The following NKAIN2 variants were observed in gnomAD, a reference collection of about 807,000 sequenced individuals.
NKAIN2 encodes the protein sodium/potassium-transporting ATPase subunit beta-1-interacting protein 2.
Under a neutral mutation model 32.6 loss-of-function variants are expected in NKAIN2, and 14 were observed. The ratio of observed to expected loss-of-function variants is 0.43; its 90% CI spans 0.28 to 0.67. The LOEUF (loss-of-function observed/expected upper bound fraction) is 0.67. NKAIN2 is among the 30% of genes least tolerant of loss of function. The pLI, the probability that NKAIN2 is intolerant of heterozygous loss-of-function variation, is 0.17. For synonymous variants in NKAIN2, 80 were observed against 87.2 expected (o/e 0.92, Z 0.46); for missense variants, 198 against 258.3 (o/e 0.77, Z 1.60).
intron 1 of NKAIN2, among the ~76,000 whole-genome samples, chr6:124,042,977 A>G (rs1781942265): frequency 6.6e-6 from 1 of 152,090 alleles, no homozygotes; most frequent in Admixed American, 6.6e-5. Context: ...CATATTTAAT[A>G]TGTGTAATAA....
At chr6:124,629,528 C>A (rs1027609550) in intron 3 of NKAIN2, among the ~76,000 whole-genome samples, 1 of 152,144 alleles carries the variant, frequency 6.6e-6, no homozygotes, top group African/African-American at 2.4e-5. Context: ...TATCGATGCA[C>A]ACAGGAGAAA....
At chr6:123,981,338 G>GAA (rs369059002) in intron 1 of NKAIN2, among the ~76,000 whole-genome samples, 4 of 150,468 alleles carry the variant, frequency 2.7e-5, no homozygotes, top group Non-Finnish European at 5.9e-5. Flanking sequence ...ACCAGTGCTG[G>GAA]AAAAAAAAAG....
intron 4 of NKAIN2, among the ~76,000 whole-genome samples, chr6:124,708,710 G>T (rs1262966263): frequency 6.6e-6 from 1 of 152,114 alleles, no homozygotes; most frequent in Non-Finnish European, 1.5e-5. Flanking sequence ...CTTTGCTGAA[G>T]TTGCTTATCA....
intron 3 of NKAIN2, among the ~76,000 whole-genome samples, chr6:124,593,835 A>C (rs1263874302): frequency 6.6e-6 from 1 of 152,196 alleles, no homozygotes; most frequent in Non-Finnish European, 1.5e-5. Flanking sequence ...TGTTTAGGGT[A>C]ATAGTGGGAG....
chr6:124,152,095 A>G (rs1787755251), intron 1 of NKAIN2, among the ~76,000 whole-genome samples: 1 of 151,894 alleles, frequency 6.6e-6, no homozygotes, highest in African/African-American at 2.4e-5. Context: ...TATTTTTCAC[A>G]TTTAAATTTA....
At position 124,124,835 on chromosome 6, in the gene NKAIN2, G is replaced by A. The variant is rs112150566; in HGVS notation, c.55-158170G>A. 9.5e-3 allele frequency among the ~76,000 whole-genome samples: 1,440 copies of A among 152,238 alleles called. 9 individuals are homozygous for A. The highest frequency in any genetic ancestry group is 0.014 in the Non-Finnish European group (951 of 67,998). On this transcript the variant is annotated intron_variant, in intron 1 of 6. Coordinates refer to ENST00000368417, the MANE Select transcript of NKAIN2 (RefSeq NM_001040214.3). ...GGATCTGAACTGTTCATCATTGTGT[G>A]CAGTTGGCTATTCTTTTCAGTGTGG... is the stretch of plus-strand genomic sequence containing the variant.
chr6:124,152,582 C>A lies in NKAIN2; in HGVS notation c.55-130423C>A, dbSNP rs149716663. ...TTGGTAGGAATATAGAGTAGTACAGCCACTATGGGAAACAATATGGAGGTT... is the reference window on the plus strand; with the variant it reads ...TTGGTAGGAATATAGAGTAGTACAGACACTATGGGAAACAATATGGAGGTT... On this transcript the variant is annotated intron_variant, in intron 1 of 6. Coordinates refer to ENST00000368417, the MANE Select transcript of NKAIN2 (RefSeq NM_001040214.3). Among the ~76,000 whole-genome samples, 886 of 151,924 alleles carry A rather than the reference C, an allele frequency of 5.8e-3. 10 individuals carry two copies. Among genetic ancestry groups the A allele is most frequent in the Non-Finnish European group, 9.2e-3 (625 of 67,822 alleles).
At chr6:124,699,065 G>A (rs1386136604) in intron 4 of NKAIN2, among the ~76,000 whole-genome samples, 6 of 152,206 alleles carry the variant, frequency 3.9e-5, no homozygotes, top group African/African-American at 1.4e-4. Context: ...CTAGTTAGTT[G>A]TAGTTGTAGA....
rs896385018 is a variant in NKAIN2, at chr6:124,346,919, C to T, written c.193-8348C>T. Among the ~76,000 whole-genome samples, 306 of 152,212 alleles carry T rather than the reference C, an allele frequency of 2.0e-3. 1 individual carries two copies. Among genetic ancestry groups the T allele is most frequent in the African/African-American group, 6.7e-3 (280 of 41,516 alleles). On this transcript the variant is annotated intron_variant, in intron 2 of 6. Coordinates refer to ENST00000368417, the MANE Select transcript of NKAIN2 (RefSeq NM_001040214.3). ...TTTTGCACATTAGTTGATGCAGTTT[C>T]TTCCTAGTCTCAATGGTCTTTACAT...
At chr6:124,754,513 G>C (rs548782041) in intron 4 of NKAIN2, among the ~76,000 whole-genome samples, 8 of 151,836 alleles carry the variant, frequency 5.3e-5, no homozygotes, top group African/African-American at 1.7e-4. Context: ...ACGTATATGT[G>C]GCCAACAATT....
intron 1 of NKAIN2, among the ~76,000 whole-genome samples, chr6:123,947,355 T>G (rs1416609186): frequency 6.6e-6 from 1 of 152,144 alleles, no homozygotes; most frequent in Non-Finnish European, 1.5e-5. Flanking sequence ...TGAAAAGAAG[T>G]TAAGGAGAGA....
intron 3 of NKAIN2, among the ~76,000 whole-genome samples, chr6:124,402,253 T>C (rs1156733265): frequency 1.3e-5 from 2 of 152,172 alleles, no homozygotes; most frequent in African/African-American, 2.4e-5. Flanking sequence ...TTTCACATTA[T>C]GATGTGTAAT....
intron 3 of NKAIN2, among the ~76,000 whole-genome samples, chr6:124,582,582 G>A (rs983611310): frequency 1.3e-5 from 2 of 151,996 alleles, no homozygotes; most frequent in Admixed American, 6.6e-5. Flanking sequence ...AAAAAATAGA[G>A]GAGGGGGAAT....
chr6:123,882,441 T>C (rs1562237159), intron 1 of NKAIN2, among the ~76,000 whole-genome samples: 4 of 152,170 alleles, frequency 2.6e-5, no homozygotes, highest in Non-Finnish European at 5.9e-5. Context: ...TTTAAGTCTT[T>C]ATGTAAAATT....
chr6:124,708,736 G>A (rs995509876), intron 4 of NKAIN2, among the ~76,000 whole-genome samples: 1 of 152,006 alleles, frequency 6.6e-6, no homozygotes, highest in Admixed American at 6.6e-5. Context: ...AGAAGAGTTT[G>A]GGCTGAGACA....
intron 1 of NKAIN2, among the ~76,000 whole-genome samples, chr6:124,135,646 A>C (rs1446324949): frequency 6.6e-6 from 1 of 152,060 alleles, no homozygotes; most frequent in South Asian, 2.1e-4. Context: ...AATTATTATC[A>C]GAAATTTAAG....
chr6:124,049,164 A>G (rs1782282055), intron 1 of NKAIN2, among the ~76,000 whole-genome samples: 1 of 152,092 alleles, frequency 6.6e-6, no homozygotes, highest in African/African-American at 2.4e-5. Context: ...ATTTAAAATT[A>G]CAAGGAAGGA....
chr6:124,723,914 A>AT (rs1209993239), intron 4 of NKAIN2, among the ~76,000 whole-genome samples: 2 of 152,296 alleles, frequency 1.3e-5, no homozygotes, highest in East Asian at 3.9e-4. Flanking sequence ...CTGTGCTGGT[A>AT]TTTTTATGCT....
chr6:124,011,951 A>G (rs1780350559), intron 1 of NKAIN2, among the ~76,000 whole-genome samples: 1 of 152,176 alleles, frequency 6.6e-6, no homozygotes, highest in South Asian at 2.1e-4. Context: ...TCAAATCTGC[A>G]ATAAGTCATA....
Sources: gnomAD v4.1 joint callset for allele counts (sites outside exome capture counted in the v4.1 genomes callset) on GRCh38, gnomAD v4.1.1 for gene constraint, MANE v1.5 for transcripts, NCBI Gene and HGNC (gene_info 2026-07-23, HGNC 2026-07-21) for gene names.